C6orf120: variants seen among roughly 807,000 people sequenced by gnomAD.
C6orf120 encodes chromosome 6 open reading frame 120.
For synonymous variants in C6orf120, 165 were observed against 123.1 expected (o/e 1.34, Z -2.25); for missense variants, 311 against 264.2 (o/e 1.18, Z -1.23).
At chr6:169,706,347 T>C (rs1182163739), downstream of C6orf120, among the ~76,000 whole-genome samples, 1 of 152,134 alleles carries the variant, frequency 6.6e-6, no homozygotes, top group Non-Finnish European at 1.5e-5. Flanking sequence ...TAAAAGAATC[T>C]ATACTTAGAA....
exon 1 of C6orf120, chr6:169,702,688 G>C (rs751943509): frequency 1.2e-6 from 2 of 1,613,374 alleles, no homozygotes; most frequent in Non-Finnish European, 1.7e-6. Flanking sequence ...GGGAGATGCG[G>C]ATCTGTACGT....
chr6:169,702,187 G>A (rs1213225312), upstream of C6orf120: 1 of 667,550 alleles, frequency 1.5e-6, no homozygotes. Flanking sequence ...GCCCCCTGCG[G>A]GGAGTGGTGG....
exon 1 of C6orf120, chr6:169,703,128 C>A (rs1158474306): frequency 1.1e-5 from 14 of 1,315,968 alleles, no homozygotes; most frequent in Middle Eastern, 1.9e-4. Context: ...GGTTGAAGTT[C>A]TAGGTACCTT....
At chr6:169,705,077 G>A, downstream of C6orf120, 1 of 1,347,956 alleles carries the variant, frequency 7.4e-7, no homozygotes, top group South Asian at 1.4e-5. Flanking sequence ...GCCTTTTGGA[G>A]TGCTGGGAGA....
exon 1 of C6orf120, chr6:169,702,523 C>A: frequency 6.2e-7 from 1 of 1,610,296 alleles, no homozygotes; most frequent in Admixed American, 1.7e-5. Context: ...CCTAGCCTCG[C>A]AGGTCCTGTC....
chr6:169,705,397 C>T, downstream of C6orf120: 1 of 1,014,536 alleles, frequency 9.9e-7, no homozygotes, highest in Non-Finnish European at 1.5e-6. Context: ...TACTAGTTTG[C>T]TTTAGGACTT....
chr6:169,702,346 TG>T, exon 1 of C6orf120: 1 of 674,428 alleles, frequency 1.5e-6, no homozygotes, highest in Non-Finnish European at 2.5e-6. Context: ...ACCAGGCGCC[TG>T]GACGCGCCGT....
downstream of C6orf120, chr6:169,705,649 A>G (rs1788757417): frequency 1.5e-5 from 24 of 1,556,594 alleles, no homozygotes; most frequent in Non-Finnish European, 2.1e-5. Flanking sequence ...TGTATAAGTG[A>G]TTCAGCCTTT....
At chr6:169,705,613 T>TA (rs770602533), downstream of C6orf120, 2 of 1,315,808 alleles carry the variant, frequency 1.5e-6, no homozygotes, top group South Asian at 1.2e-5. Context: ...TTTCAATACT[T>TA]ACCACTATTC....
chr6:169,702,543 C>A (rs1355095824), exon 1 of C6orf120: 1 of 1,612,148 alleles, frequency 6.2e-7, no homozygotes. Flanking sequence ...CTCCGGGAAG[C>A]TGCGCGGACG....
chr6:169,704,276 G>A (rs1788692149), exon 1 of C6orf120: 2 of 516,660 alleles, frequency 3.9e-6, no homozygotes, highest in Admixed American at 8.5e-5. Context: ...TCAATGCCAT[G>A]CAAAATTCAT....
chr6:169,702,785 A>G lies in C6orf120; in HGVS notation c.326A>G (p.His109Arg), dbSNP rs144803739. ...CCGGACGCCGTGTCCATCCCCGCGC[A>G]CTTCCGGCGCCCAGTGGGCATCGGC... Residue 109 changes from histidine (H) to arginine (R), a missense_variant, in exon 1 of 1, where the codon CAC (histidine) becomes CGC (arginine). By Grantham distance (29) the His-to-Arg change is conservative. Transcript: ENST00000332290. The G allele has an allele frequency of 5.6e-6, 9 of 1,612,986 alleles. No homozygotes were observed. In the African/African-American group the frequency reaches 1.2e-4, roughly 22 times the overall value.
downstream of C6orf120, among the ~76,000 whole-genome samples, chr6:169,705,980 A>T (rs1425159821): frequency 6.6e-6 from 1 of 152,202 alleles, no homozygotes; most frequent in Admixed American, 6.5e-5. Context: ...CCCTACATGC[A>T]CAGTAAGATT....
chr6:169,704,989 G>C, downstream of C6orf120: 1 of 528,300 alleles, frequency 1.9e-6, no homozygotes, highest in Middle Eastern at 5.0e-4. Flanking sequence ...TGGTGGACAT[G>C]ACCTGTATAA....
exon 1 of C6orf120, chr6:169,704,609 G>T (rs921914497): frequency 1.2e-5 from 2 of 169,392 alleles, no homozygotes; most frequent in African/African-American, 2.4e-5. Flanking sequence ...AAACTTCGTT[G>T]TAGGCATATA....
chr6:169,702,191 G>A lies in C6orf120; in HGVS notation c.-269G>A, dbSNP rs1283926247. On this transcript the variant is annotated 5_prime_UTR_variant, in exon 1 of 1. The change creates a new upstream start codon in the 5' untranslated region. Coordinates refer to ENST00000332290, the Ensembl canonical transcript of C6orf120. ...TATAAAGCGCGGCCCCCTGCGGGGA[G>A]TGGTGGTGAGTCCGAGGGTGCCACA... The A allele has an allele frequency of 1.5e-6, 1 of 670,982 alleles. No individual in the cohort carries two copies. Among genetic ancestry groups the A allele is most frequent in the Non-Finnish European group, 2.7e-6 (1 of 365,120 alleles). 41.6% of individuals were successfully genotyped at this position (670,982 alleles called of 1,614,324 possible).
chr6:169,703,118 G>T, exon 1 of C6orf120: 1 of 1,400,058 alleles, frequency 7.1e-7, no homozygotes, highest in Non-Finnish European at 9.7e-7. Context: ...ACTTGTACTT[G>T]GTTGAAGTTC....
Position 169,704,371 on chromosome 6 carries a change from C to T in C6orf120, c.*1336C>T, listed in dbSNP as rs186660616. On this transcript the variant is annotated 3_prime_UTR_variant, in exon 1 of 1. Transcript: ENST00000332290. ...AGTACAATCTTTCCTGAAATTCAAACACTATCATACTTCAAAAGGTCAAAA... is the reference window on the plus strand; with the variant it reads ...AGTACAATCTTTCCTGAAATTCAAATACTATCATACTTCAAAAGGTCAAAA... 627 of 374,232 alleles carry T rather than the reference C, an allele frequency of 1.7e-3. 5 individuals are homozygous for T. The highest frequency in any genetic ancestry group is 2.2e-3 in the Non-Finnish European group (447 of 203,172). The allele number at this position is 374,232 out of a possible 1,614,324, so 23.2% of individuals were successfully genotyped here. A position where few individuals can be genotyped will look rare whatever the true frequency, so the allele number is the denominator to read the frequency against.
Position 169,702,366 on chromosome 6 carries a change from G to C in C6orf120, c.-94G>C, listed in dbSNP as rs1348403114. The C allele has an allele frequency of 3.9e-6, 3 of 765,860 alleles. 1 individual carries two copies. The highest frequency in any genetic ancestry group is 4.1e-6 in the Non-Finnish European group (2 of 486,092). 47.4% of individuals were successfully genotyped at this position (765,860 alleles called of 1,614,324 possible). On this transcript the variant is annotated 5_prime_UTR_variant, in exon 1 of 1. Transcript: ENST00000332290. ...GCGCCTGGACGCGCCGTGGACCCGC[G>C]TGCGGACGGCGGGGACAGGCTCCGG...
Sources: allele counts gnomAD v4.1 joint callset (sites outside exome capture counted in the v4.1 genomes callset), GRCh38; gene constraint gnomAD v4.1.1; transcripts MANE v1.5; gene names NCBI Gene and HGNC (gene_info 2026-07-23, HGNC 2026-07-21).